The following GAS7 variants were observed in gnomAD, a reference collection of about 807,000 sequenced individuals.
The protein encoded by GAS7 is growth arrest-specific protein 7.
In GAS7, 28 loss-of-function variants were observed where a neutral mutation model predicts 71.1. The observed-to-expected ratio is 0.39, with a 90% CI of 0.29 to 0.54. GAS7 has a LOEUF of 0.54. Ranked by LOEUF, GAS7 falls within the 20% of genes least tolerant of loss-of-function variation. The probability of loss-of-function intolerance (pLI) is 0.62; values close to 1 mark genes in which losing one functional copy is unlikely to be tolerated. For missense variants in GAS7, 436 were observed against 627.8 expected (o/e 0.69, Z 3.27); for synonymous variants, 258 against 245.8 (o/e 1.05, Z -0.46).
chr17:10,005,162 T>TGCGCACGCATGCATGCATGTGTGC (rs2071448959), intron 2 of GAS7, among the ~76,000 whole-genome samples: 1 of 74,718 alleles, frequency 1.3e-5, no homozygotes, highest in Non-Finnish European at 4.1e-5. Context: ...TGCATGTGTG[T>TGCGCACGCATGCATGCATGTGTGC]GCGCACGCAT....
At chr17:9,929,694 G>T (rs1029427576) in intron 9 of GAS7, among the ~76,000 whole-genome samples, 2 of 151,696 alleles carry the variant, frequency 1.3e-5, no homozygotes, top group African/African-American at 4.9e-5. Context: ...AGCCAGGATG[G>T]TCTTGATCTC....
At chr17:10,021,152 T>C (rs981286686) in intron 1 of GAS7, among the ~76,000 whole-genome samples, 1 of 152,168 alleles carries the variant, frequency 6.6e-6, no homozygotes, top group Non-Finnish European at 1.5e-5. Flanking sequence ...AAATCAGAAT[T>C]GTAGCCATAC....
chr17:9,988,140 T>C (rs750854532), intron 2 of GAS7, among the ~76,000 whole-genome samples: 1 of 152,238 alleles, frequency 6.6e-6, no homozygotes, highest in Non-Finnish European at 1.5e-5. Context: ...ACTTGCTCTA[T>C]CTCCTCCTCC....
rs989422169 is a variant in GAS7 at position 10,103,623 on chromosome 17, C to T, written c.184-83726G>A. On this transcript the variant is annotated intron_variant, in intron 1 of 13. Transcript: ENST00000432992. The surrounding 1 kb of genome is among the most constrained non-coding windows in gnomAD (Gnocchi z 5.5). ...GGCGGATCACCTGAGGTCAGGAGTTCAAGACCAGCCTGGCCAACATGGAGA... is the reference window on the plus strand; with the variant it reads ...GGCGGATCACCTGAGGTCAGGAGTTTAAGACCAGCCTGGCCAACATGGAGA... 1.2e-4 allele frequency among the ~76,000 whole-genome samples: 18 copies of T among 151,986 alleles called. No individual in the cohort carries two copies. Among genetic ancestry groups the T allele is most frequent in the African/African-American group, 1.9e-4 (8 of 41,386 alleles).
intron 8 of GAS7, 40 bp downstream of exon 8, chr17:9,940,086 C>A (rs1217853872): frequency 1.8e-6 from 2 of 1,101,208 alleles, no homozygotes; most frequent in Non-Finnish European, 2.8e-6. Flanking sequence ...CTCAGTGACC[C>A]CCCATCCTCC....
intron 6 of GAS7, among the ~76,000 whole-genome samples, chr17:9,946,542 G>A (rs796803280): frequency 5.9e-5 from 9 of 152,280 alleles, no homozygotes; most frequent in African/African-American, 1.9e-4. Context: ...CTTGTCCAAC[G>A]TCACTCACGT....
intron 4 of GAS7, among the ~76,000 whole-genome samples, chr17:9,966,068 G>C (rs569464385): frequency 6.9e-6 from 1 of 144,974 alleles, no homozygotes; most frequent in Non-Finnish European, 1.5e-5. Context: ...GTGCAATCTC[G>C]GCTCACTGCA....
chr17:10,130,040 G>A (rs570053973), intron 1 of GAS7, among the ~76,000 whole-genome samples: 7 of 151,300 alleles, frequency 4.6e-5, no homozygotes, highest in South Asian at 2.1e-4. Context: ...GTGGTGGCGC[G>A]CGCCTGTAAT....
intron 2 of GAS7, among the ~76,000 whole-genome samples, chr17:9,992,667 A>G (rs1412246561): frequency 2.0e-5 from 3 of 151,722 alleles, no homozygotes; most frequent in South Asian, 2.1e-4. Flanking sequence ...GGTTAGTTAC[A>G]TATGTATACA....
At chr17:10,098,405 C>T (rs1053786301) in intron 1 of GAS7, among the ~76,000 whole-genome samples, 31 of 152,184 alleles carry the variant, frequency 2.0e-4, no homozygotes, top group African/African-American at 7.2e-4. Context: ...TGCTTTTGCC[C>T]AGATCTCTCC....
At chr17:10,124,445 T>C (rs964358535) in intron 1 of GAS7, among the ~76,000 whole-genome samples, 5 of 152,216 alleles carry the variant, frequency 3.3e-5, no homozygotes, top group African/African-American at 1.2e-4. Context: ...ACCCCACACA[T>C]GCGCACAAAT....
chr17:10,167,508 G>C (rs1436789945), intron 1 of GAS7, among the ~76,000 whole-genome samples: 1 of 152,114 alleles, frequency 6.6e-6, no homozygotes, highest in East Asian at 1.9e-4. Flanking sequence ...CTGAGCCTGG[G>C]GTGAGATGGT....
At position 10,157,293 on chromosome 17, in the gene GAS7, A is replaced by G. The variant is rs188168729; in HGVS notation, c.183+40915T>C. Among the ~76,000 whole-genome samples, 302 of 152,040 alleles carry G rather than the reference A, an allele frequency of 2.0e-3. 2 individuals are homozygous for G. The highest frequency in any genetic ancestry group is 2.3e-3 in the Non-Finnish European group (157 of 68,024). ...GCCAACCTTGGAGCTGACGAGGGGA[A>G]TAATTTTTTTAAAGATCCATTACTG... On this transcript the variant is annotated intron_variant, in intron 1 of 13. Transcript: ENST00000432992.
chr17:10,042,714 T>C, intron 1 of GAS7, among the ~76,000 whole-genome samples: 1 of 152,100 alleles, frequency 6.6e-6, no homozygotes, highest in African/African-American at 2.4e-5. Flanking sequence ...GCTGGGATGG[T>C]ACAGGGAGGC....
rs1029498132 is a variant in GAS7, at chr17:9,912,358, T to A, written c.*4870A>T. On this transcript the variant is annotated 3_prime_UTR_variant, in exon 14 of 14. Transcript: ENST00000432992. ...GAGGTACATGCAGTTGCCGGTGGCC[T>A]GAGACACTCATCTAGAACAAACACC... 4.3e-6 allele frequency: 1 copy of A among 232,760 alleles called. No homozygotes were observed. The highest frequency in any genetic ancestry group is 8.5e-6 in the Non-Finnish European group (1 of 117,776). The allele number at this position is 232,760 out of a possible 1,614,324, so 14.4% of individuals were successfully genotyped here.
intron 1 of GAS7, among the ~76,000 whole-genome samples, chr17:10,071,208 A>G (rs1771660406): frequency 6.6e-6 from 1 of 152,040 alleles, no homozygotes; most frequent in Admixed American, 6.5e-5. Context: ...CAGGCTCATG[A>G]GGCAAACAGA....
At chr17:9,996,996 A>G (rs2071072792) in intron 2 of GAS7, among the ~76,000 whole-genome samples, 1 of 152,092 alleles carries the variant, frequency 6.6e-6, no homozygotes, top group Admixed American at 6.6e-5. Flanking sequence ...TTTCCATGAT[A>G]GAAAACAGAC....
At chr17:10,190,558 C>T (rs558245481) in intron 1 of GAS7, among the ~76,000 whole-genome samples, 2 of 145,262 alleles carry the variant, frequency 1.4e-5, no homozygotes, top group South Asian at 2.2e-4. Flanking sequence ...CCAGCCTGAG[C>T]GACAGAGCAA....
intron 1 of GAS7, among the ~76,000 whole-genome samples, chr17:10,159,982 T>C (rs981283166): frequency 6.6e-6 from 1 of 152,084 alleles, no homozygotes; most frequent in African/African-American, 2.4e-5. Flanking sequence ...TTTCCCCATA[T>C]TGCCCAGGCT....
Sources: gnomAD v4.1 joint callset for allele counts (sites outside exome capture counted in the v4.1 genomes callset) on GRCh38, gnomAD v4.1.1 for gene constraint, Gnocchi (gnomAD v3.1) non-coding constraint, MANE v1.5 for transcripts, NCBI Gene and HGNC (gene_info 2026-07-23, HGNC 2026-07-21) for gene names.